The following FAM114A1 variants were observed in gnomAD, a reference collection of about 807,000 sequenced individuals.
FAM114A1 encodes the protein family with sequence similarity 114 member A1.
In FAM114A1, 62 loss-of-function variants were observed where a neutral mutation model predicts 64.3. That is an observed-to-expected ratio of 0.96 (90% CI 0.79 to 1.19). The LOEUF (loss-of-function observed/expected upper bound fraction) is 1.19. Ranked by LOEUF, FAM114A1 falls within the 50% of genes most tolerant of loss-of-function variation. The pLI, the probability that FAM114A1 is intolerant of heterozygous loss-of-function variation, is 0.00. For synonymous variants in FAM114A1, 254 were observed against 251.1 expected (o/e 1.01, Z -0.11); for missense variants, 645 against 676.3 (o/e 0.95, Z 0.51).
intron 3 of FAM114A1, among the ~76,000 whole-genome samples, chr4:38,881,957 A>C (rs910516644): frequency 6.6e-6 from 1 of 151,994 alleles, no homozygotes; most frequent in East Asian, 1.9e-4. Flanking sequence ...AGCCAAGTGC[A>C]AAAGCCTATT....
intron 8 of FAM114A1, among the ~76,000 whole-genome samples, chr4:38,915,739 A>G (rs968164707): frequency 7.0e-5 from 10 of 142,654 alleles, no homozygotes; most frequent in Middle Eastern, 6.9e-3. Context: ...TAAAGCATCT[A>G]TAGTGGTGTG....
intron 3 of FAM114A1, among the ~76,000 whole-genome samples, chr4:38,890,143 C>G (rs915232928): frequency 2.0e-5 from 3 of 152,152 alleles, no homozygotes; most frequent in African/African-American, 7.2e-5. Context: ...TGGTGGCTCA[C>G]ACCTGTATTC....
At chr4:38,935,092 T>G (rs1017843808) in intron 12 of FAM114A1, among the ~76,000 whole-genome samples, 1 of 152,108 alleles carries the variant, frequency 6.6e-6, no homozygotes, top group African/African-American at 2.4e-5. Flanking sequence ...TTTTTTGGTA[T>G]TTTTGGTAGA....
intron 7 of FAM114A1, among the ~76,000 whole-genome samples, chr4:38,911,263 A>C (rs7681314): frequency 0.49 from 75,086 of 152,086 alleles, 21,043 homozygotes; most frequent in African/African-American, 0.76. Context: ...GCAGTGCGGC[A>C]TGGGAAAGGC....
intron 3 of FAM114A1, among the ~76,000 whole-genome samples, chr4:38,889,899 T>C (rs1324773709): frequency 1.3e-5 from 2 of 152,198 alleles, no homozygotes; most frequent in Admixed American, 6.5e-5. Flanking sequence ...CCAGGACCAG[T>C]GACTGAGACT....
intron 9 of FAM114A1, among the ~76,000 whole-genome samples, chr4:38,924,220 A>G (rs1719899136): frequency 6.6e-6 from 1 of 152,222 alleles, no homozygotes; most frequent in African/African-American, 2.4e-5. Flanking sequence ...ATATATCTAA[A>G]AACATATATT....
chr4:38,879,472 TTCTCACA>T (rs1458487283), intron 3 of FAM114A1, among the ~76,000 whole-genome samples: 1 of 152,220 alleles, frequency 6.6e-6, no homozygotes, highest in Non-Finnish European at 1.5e-5. Flanking sequence ...AAGTGAAGAA[TTCTCACA>T]TGAAGACTTT....
At chr4:38,894,235 G>A (rs903391930) in intron 4 of FAM114A1, among the ~76,000 whole-genome samples, 2 of 150,574 alleles carry the variant, frequency 1.3e-5, no homozygotes, top group African/African-American at 2.4e-5. Context: ...TTGATCCGAC[G>A]TCATTGTCTT....
At chr4:38,901,376 C>T (rs554805716) in intron 4 of FAM114A1, among the ~76,000 whole-genome samples, 2 of 152,286 alleles carry the variant, frequency 1.3e-5, no homozygotes, top group East Asian at 1.9e-4. Flanking sequence ...GCACCCATGC[C>T]TCCTGGGTTC....
At chr4:38,873,079 C>A (rs1015904875) in intron 2 of FAM114A1, among the ~76,000 whole-genome samples, 1 of 152,242 alleles carries the variant, frequency 6.6e-6, no homozygotes, top group African/African-American at 2.4e-5. Flanking sequence ...CTTCTCTATA[C>A]AGTGGGTTTC....
At chr4:38,923,249 G>C (rs1719788845) in intron 9 of FAM114A1, among the ~76,000 whole-genome samples, 1 of 140,116 alleles carries the variant, frequency 7.1e-6, no homozygotes, top group African/African-American at 2.7e-5. Flanking sequence ...TTTTGAGATG[G>C]AGTCTCGCTC....
intron 7 of FAM114A1, among the ~76,000 whole-genome samples, chr4:38,912,019 C>G (rs1718601553): frequency 6.6e-6 from 1 of 151,678 alleles, no homozygotes; most frequent in African/African-American, 2.4e-5. Context: ...CACCACCACG[C>G]CCGGCTAATT....
chr4:38,878,205 C>T lies in FAM114A1; in HGVS notation c.127C>T (p.Pro43Ser). Residue 43 changes from proline (P) to serine (S), a missense_variant, in exon 3 of 15, where the codon CCA (proline) becomes TCA (serine). Transcript: ENST00000358869. ...HCDSAAVSHE[P>S]TPADPRGEGH... ...TGATTCAGCTGCAGTTTCACATGAGCCAACACCAGCTGACCCCAGAGGGGA... is the reference window on the plus strand; with the variant it reads ...TGATTCAGCTGCAGTTTCACATGAGTCAACACCAGCTGACCCCAGAGGGGA... 1 of 1,614,202 alleles carries T rather than the reference C, an allele frequency of 6.2e-7. No individual in the cohort carries two copies.
chr4:38,926,687 C>T (rs984341052), intron 9 of FAM114A1, among the ~76,000 whole-genome samples: 9 of 152,294 alleles, frequency 5.9e-5, no homozygotes, highest in Admixed American at 5.9e-4. Context: ...ATCTCCTGAC[C>T]TCAAGTGATC....
intron 8 of FAM114A1, among the ~76,000 whole-genome samples, chr4:38,915,810 T>C (rs1487447158): frequency 6.7e-6 from 1 of 150,144 alleles, no homozygotes; most frequent in Non-Finnish European, 1.5e-5. Flanking sequence ...TAGCAAGCAC[T>C]TAATGGCACT....
At chr4:38,933,929 T>C (rs887370337) in intron 12 of FAM114A1, among the ~76,000 whole-genome samples, 6 of 152,204 alleles carry the variant, frequency 3.9e-5, no homozygotes, top group African/African-American at 1.4e-4. Context: ...TCAGCATTAG[T>C]GTCTTTGTAC....
intron 2 of FAM114A1, among the ~76,000 whole-genome samples, chr4:38,876,189 T>TA (rs1714616289): frequency 7.3e-6 from 1 of 136,780 alleles, no homozygotes; most frequent in African/African-American, 2.8e-5. Context: ...TTTTTTTTTT[T>TA]GAGACGGTCT....
intron 4 of FAM114A1, among the ~76,000 whole-genome samples, chr4:38,899,940 G>T (rs182319129): frequency 2.0e-4 from 30 of 151,994 alleles, no homozygotes; most frequent in African/African-American, 7.2e-4. Context: ...ATTTCCACAG[G>T]ACCTTATAAG....
At chr4:38,919,331 C>T (rs1372264786) in intron 8 of FAM114A1, among the ~76,000 whole-genome samples, 1 of 152,184 alleles carries the variant, frequency 6.6e-6, no homozygotes, top group Non-Finnish European at 1.5e-5. Context: ...CTGCCTGCCT[C>T]CTATCTGCAG....
Sources: allele counts gnomAD v4.1 joint callset (sites outside exome capture counted in the v4.1 genomes callset), GRCh38; gene constraint gnomAD v4.1.1; transcripts MANE v1.5; gene names NCBI Gene and HGNC (gene_info 2026-07-23, HGNC 2026-07-21).